The following NAALADL2 variants were observed in gnomAD, a reference collection of about 807,000 sequenced individuals.
The protein encoded by NAALADL2 is inactive N-acetylated-alpha-linked acidic dipeptidase-like protein 2.
In NAALADL2, 76 loss-of-function variants were observed where a neutral mutation model predicts 87.2. That is an observed-to-expected ratio of 0.87 (90% CI 0.72 to 1.05). The LOEUF (loss-of-function observed/expected upper bound fraction) is 1.05. Ranked by LOEUF, NAALADL2 falls within the 50% of genes least tolerant of loss-of-function variation. NAALADL2 has a pLI of 0.00. For missense variants in NAALADL2, 1,089 were observed against 945.8 expected (o/e 1.15, Z -1.99); for synonymous variants, 354 against 331.0 (o/e 1.07, Z -0.75).
intron 3 of NAALADL2, among the ~76,000 whole-genome samples, chr3:174,815,658 AGCCACAGG>A (rs1167183298): frequency 6.6e-6 from 1 of 152,172 alleles, no homozygotes; most frequent in East Asian, 1.9e-4. Context: ...TATTTGTCTA[AGCCACAGG>A]ACTTGTAGTA....
At chr3:175,739,580 T>C (rs1744971316) in intron 12 of NAALADL2, among the ~76,000 whole-genome samples, 1 of 152,204 alleles carries the variant, frequency 6.6e-6, no homozygotes, top group Non-Finnish European at 1.5e-5. Flanking sequence ...GAAAGTTAAA[T>C]GTATACAAAA....
At chr3:174,909,245 T>A (rs554701580) in intron 1 of NAALADL2, among the ~76,000 whole-genome samples, 35 of 151,954 alleles carry the variant, frequency 2.3e-4, no homozygotes, top group African/African-American at 8.5e-4. Flanking sequence ...AATACAAAAA[T>A]TATCCTGGCA....
chr3:174,466,669 G>A (rs1411951956), intron 1 of NAALADL2, among the ~76,000 whole-genome samples: 1 of 152,084 alleles, frequency 6.6e-6, no homozygotes, highest in African/African-American at 2.4e-5. Flanking sequence ...CCCTAATTAG[G>A]ACCCCCAGTG....
chr3:174,528,898 GA>G (rs1288987558), intron 1 of NAALADL2, among the ~76,000 whole-genome samples: 1 of 152,006 alleles, frequency 6.6e-6, no homozygotes, highest in Non-Finnish European at 1.5e-5. Flanking sequence ...CAATACATAG[GA>G]ATTCAAGATG....
chr3:174,558,075 T>G (rs760096569), intron 2 of NAALADL2, among the ~76,000 whole-genome samples: 7 of 152,126 alleles, frequency 4.6e-5, no homozygotes, highest in Non-Finnish European at 8.8e-5. Flanking sequence ...CAGCATAAAC[T>G]ATATTGTTTA....
In NAALADL2 at chr3:175,777,847, AC is replaced by A. The variant is rs573463974; in HGVS notation, c.2189+22430del. ...CATACTCCAAGTCAGAAAATGTAGA[AC>A]TTTTTCTCAATGTGGAACTTTTTCT... is the stretch of plus-strand genomic sequence containing the variant. On this transcript the variant is annotated intron_variant, in intron 13 of 13. Transcript: ENST00000454872. Among the ~76,000 whole-genome samples the A allele has an allele frequency of 2.4e-3, 371 of 152,140 alleles. 1 individual carries two copies. Among genetic ancestry groups the A allele is most frequent in the African/African-American group, 8.5e-3 (353 of 41,470 alleles).
intron 9 of NAALADL2, among the ~76,000 whole-genome samples, chr3:175,547,991 G>A (rs1713656307): frequency 1.3e-5 from 2 of 152,208 alleles, no homozygotes; most frequent in South Asian, 4.1e-4. Context: ...AAGACAGTGT[G>A]GTGATTCCTC....
intron 11 of NAALADL2, among the ~76,000 whole-genome samples, chr3:175,710,597 TACACATATATAGGCAC>T (rs1740394340): frequency 1.3e-5 from 2 of 151,004 alleles, no homozygotes; most frequent in African/African-American, 2.4e-5. Context: ...TATATATATA[TACACATATATAGGCAC>T]ATATACACAT....
At chr3:175,782,598 G>C (rs1208016352) in intron 13 of NAALADL2, among the ~76,000 whole-genome samples, 2 of 144,680 alleles carry the variant, frequency 1.4e-5, no homozygotes, top group Non-Finnish European at 3.0e-5. Flanking sequence ...GTAGATTCTG[G>C]ATATTAGCCC....
At chr3:175,147,124 A>G (rs1397804411) in intron 2 of NAALADL2, among the ~76,000 whole-genome samples, 1 of 152,190 alleles carries the variant, frequency 6.6e-6, no homozygotes, top group African/African-American at 2.4e-5. Flanking sequence ...GATTCAAGGG[A>G]TACACATGCA....
intron 2 of NAALADL2, among the ~76,000 whole-genome samples, chr3:174,571,916 T>G (rs1206878521): frequency 6.6e-6 from 1 of 152,138 alleles, no homozygotes; most frequent in Non-Finnish European, 1.5e-5. Flanking sequence ...TTCAGACTTG[T>G]TTTACCAAAC....
intron 11 of NAALADL2, among the ~76,000 whole-genome samples, chr3:175,671,767 C>G (rs1460739119): frequency 6.6e-6 from 1 of 151,824 alleles, no homozygotes; most frequent in African/African-American, 2.4e-5. Flanking sequence ...AAAACTGTCA[C>G]CAAAATTTTA....
At chr3:175,037,156 C>G (rs4387984) in intron 1 of NAALADL2, among the ~76,000 whole-genome samples, 1,855 of 152,192 alleles carry the variant, frequency 0.012, 41 homozygotes, top group African/African-American at 0.042. Context: ...TTATTACAAA[C>G]AGAGAGAGTG....
chr3:175,283,659 AAATAACAGTAGCTTTTCTT>A (rs1349187905), intron 4 of NAALADL2, among the ~76,000 whole-genome samples: 24 of 152,142 alleles, frequency 1.6e-4, no homozygotes, highest in Non-Finnish European at 2.6e-4. Flanking sequence ...AACAAAGCAG[AAATAACAGTAGCTTTTCTT>A]ATGTGCTCAA....
chr3:175,119,971 G>T (rs539002522), intron 2 of NAALADL2, among the ~76,000 whole-genome samples: 9 of 150,426 alleles, frequency 6.0e-5, no homozygotes, highest in African/African-American at 2.2e-4. Flanking sequence ...GAGGGGAAAG[G>T]CCGGTGTTGT....
intron 1 of NAALADL2, among the ~76,000 whole-genome samples, chr3:174,909,907 A>G (rs1167723727): frequency 1.3e-5 from 2 of 152,264 alleles, no homozygotes; most frequent in East Asian, 3.9e-4. Flanking sequence ...TTTGGTTAAT[A>G]TATTTAACTA....
At chr3:175,603,022 G>A (rs1723177831) in intron 10 of NAALADL2, among the ~76,000 whole-genome samples, 1 of 151,898 alleles carries the variant, frequency 6.6e-6, no homozygotes, top group Non-Finnish European at 1.5e-5. Context: ...TACCTTAAAT[G>A]TGTCTTTGTA....
chr3:175,028,144 T>C (rs746379457), intron 1 of NAALADL2, among the ~76,000 whole-genome samples: 73 of 152,208 alleles, frequency 4.8e-4, no homozygotes, highest in Middle Eastern at 3.4e-3. Flanking sequence ...ACAAGGCTAG[T>C]TGATCCTAAT....
intron 2 of NAALADL2, among the ~76,000 whole-genome samples, chr3:175,196,585 A>C (rs1580877206): frequency 6.6e-6 from 1 of 152,070 alleles, no homozygotes; most frequent in Non-Finnish European, 1.5e-5. Context: ...TTTTGCTTTA[A>C]GTTTTATACA....
Sources: allele counts gnomAD v4.1 joint callset (sites outside exome capture counted in the v4.1 genomes callset), GRCh38; gene constraint gnomAD v4.1.1; transcripts MANE v1.5; gene names NCBI Gene and HGNC (gene_info 2026-07-23, HGNC 2026-07-21).